NFILZ: variants seen among roughly 807,000 people sequenced by gnomAD.
NFILZ encodes NFIL3 like protein.
Position 8,679,891 on chromosome 19 carries a change from C to T in NFILZ, c.*2256C>T, listed in dbSNP as rs1306236368. On this transcript the variant is annotated 3_prime_UTR_variant, in exon 6 of 6. Coordinates refer to ENST00000691075, the MANE Select transcript of NFILZ (RefSeq NM_001378600.1). ...TAGGGGCTTCTCTGGACTGTTTTAT[C>T]TTCATAAATAATGTGAATCCTGGAG... 6.6e-6 allele frequency among the ~76,000 whole-genome samples: 1 copy of T among 152,112 alleles called. No homozygotes were observed. Among genetic ancestry groups the T allele is most frequent in the South Asian group, 2.1e-4 (1 of 4,822 alleles).
chr19:8,635,225 G>A (rs2042889319), intron 2 of NFILZ, among the ~76,000 whole-genome samples: 2 of 150,288 alleles, frequency 1.3e-5, no homozygotes, highest in South Asian at 2.1e-4. Context: ...CAGGAGAATC[G>A]CTTGAACCTG....
rs2043120449 is a variant in NFILZ, at chr19:8,678,037, CATCCATCCATCCATCCACCCATCTAT to C, written c.*403_*428del. 1.0e-5 allele frequency among the ~76,000 whole-genome samples: 1 copy of C among 99,474 alleles called. No individual in the cohort carries two copies. The highest frequency in any genetic ancestry group is 2.1e-5 in the Non-Finnish European group (1 of 46,680). The allele number at this position is 99,474 out of a possible 152,430, so 65.3% of individuals were successfully genotyped here. On this transcript the variant is annotated 3_prime_UTR_variant, in exon 6 of 6. Coordinates refer to ENST00000691075, the MANE Select transcript of NFILZ (RefSeq NM_001378600.1). ...CTCCATCCTTATCCATCTATCCATC[CATCCATCCATCCATCCACCCATCTAT>C]TCATCCATCCATCAATCCATCCATC...
At chr19:8,661,911 T>G (rs1555749160) in intron 3 of NFILZ, among the ~76,000 whole-genome samples, 1 of 151,262 alleles carries the variant, frequency 6.6e-6, no homozygotes, top group Non-Finnish European at 1.5e-5. Flanking sequence ...AAAGATACAG[T>G]AAAATAGGCC....
At chr19:8,665,183 C>T (rs2043056061) in intron 3 of NFILZ, among the ~76,000 whole-genome samples, 1 of 152,054 alleles carries the variant, frequency 6.6e-6, no homozygotes, top group Non-Finnish European at 1.5e-5. Flanking sequence ...GCGCTTCTGG[C>T]CTATCTGAGA....
intron 3 of NFILZ, among the ~76,000 whole-genome samples, chr19:8,672,805 A>T (rs574716700): frequency 4.2e-4 from 64 of 152,304 alleles, no homozygotes; most frequent in African/African-American, 1.5e-3. Context: ...TTCCTCCTTC[A>T]TTCCTGATCC....
At position 8,680,207 on chromosome 19, in the gene NFILZ, AAAAAAAAG is replaced by A. The variant is rs2043139368; in HGVS notation, c.*2573_*2580del. Among the ~76,000 whole-genome samples the A allele has an allele frequency of 7.3e-6, 1 of 136,744 alleles. No homozygotes were observed. The highest frequency in any genetic ancestry group is 2.9e-5 in the African/African-American group (1 of 34,694). The allele number at this position is 136,744 out of a possible 152,430, so 89.7% of individuals were successfully genotyped here. A position where few individuals can be genotyped will look rare whatever the true frequency, so the allele number is the denominator to read the frequency against. On this transcript the variant is annotated 3_prime_UTR_variant, in exon 6 of 6. Transcript: ENST00000691075. ...CGAGACTCCATCTGAAAAAAAAAAA[AAAAAAAAG>A]GAAAAAGAAAAAATCCTGTTTCCCT... is the stretch of plus-strand genomic sequence containing the variant.
intron 3 of NFILZ, among the ~76,000 whole-genome samples, chr19:8,663,748 G>GTGTGTGTA (rs2043046784): frequency 7.2e-6 from 1 of 139,376 alleles, no homozygotes; most frequent in African/African-American, 2.8e-5. Flanking sequence ...GTGTGTGTGT[G>GTGTGTGTA]TGTGTGTGTG....
chr19:8,670,992 CAAAAA>C (rs35392454), intron 3 of NFILZ, among the ~76,000 whole-genome samples: 15 of 117,638 alleles, frequency 1.3e-4, no homozygotes, highest in Admixed American at 4.3e-4. Context: ...GAGACTGTCT[CAAAAA>C]AAAAAAAAAA....
rs529582116 is a variant in NFILZ at position 8,631,963 on chromosome 19, G to A, written c.-410-513G>A. Reference sequence around the variant, plus strand: ...CAGCTCACTGCAACCTCTGCCTCCCGGGTTCAAGCAATTCTTTCGTCTCAG... The same window carrying A: ...CAGCTCACTGCAACCTCTGCCTCCCAGGTTCAAGCAATTCTTTCGTCTCAG... On this transcript the variant is annotated intron_variant, in intron 1 of 5. Coordinates refer to ENST00000691075, the MANE Select transcript of NFILZ (RefSeq NM_001378600.1). Among the ~76,000 whole-genome samples the A allele has an allele frequency of 2.0e-5, 3 of 151,802 alleles. No homozygotes were observed. In the South Asian group the frequency reaches 6.2e-4, roughly 32 times the overall value.
intron 3 of NFILZ, among the ~76,000 whole-genome samples, chr19:8,637,912 C>CAAAAAAAAAAAAAAAAAAAAAAAAAA (rs35778716): frequency 3.0e-4 from 6 of 20,272 alleles, no homozygotes; most frequent in Non-Finnish European, 4.4e-4. Context: ...AAGATGGTCT[C>CAAAAAAAAAAAAAAAAAAAAAAAAAA]AAAAAAAAAA....
At chr19:8,668,802 G>C (rs2043074172) in intron 3 of NFILZ, among the ~76,000 whole-genome samples, 1 of 152,114 alleles carries the variant, frequency 6.6e-6, no homozygotes, top group Non-Finnish European at 1.5e-5. Context: ...GAATGGGGAG[G>C]TTTTGGTGTG....
At chr19:8,659,491 G>A (rs2043019965) in intron 3 of NFILZ, among the ~76,000 whole-genome samples, 1 of 151,988 alleles carries the variant, frequency 6.6e-6, no homozygotes, top group South Asian at 2.1e-4. Flanking sequence ...GACTCCGAAT[G>A]GTGGGAAGGC....
chr19:8,662,049 A>G (rs1170172616), intron 3 of NFILZ, among the ~76,000 whole-genome samples: 1 of 151,888 alleles, frequency 6.6e-6, no homozygotes, highest in Non-Finnish European at 1.5e-5. Context: ...AATAAAAATA[A>G]AAAAAACTGG....
At chr19:8,665,012 C>A (rs1303051892) in intron 3 of NFILZ, among the ~76,000 whole-genome samples, 1 of 152,096 alleles carries the variant, frequency 6.6e-6, no homozygotes, top group Non-Finnish European at 1.5e-5. Context: ...GTGGTCCTTA[C>A]CTAGCTTTCT....
At position 8,636,415 on chromosome 19, in the gene NFILZ, T is replaced by C. The variant is rs185376825; in HGVS notation, c.-164+669T>C. Among the ~76,000 whole-genome samples, 688 of 140,222 alleles carry C rather than the reference T, an allele frequency of 4.9e-3. 2 individuals carry two copies. The highest frequency in any genetic ancestry group is 0.017 in the African/African-American group (661 of 39,100). 92.0% of individuals were successfully genotyped at this position (140,222 alleles called of 152,430 possible). A position where few individuals can be genotyped will look rare whatever the true frequency, so the allele number is the denominator to read the frequency against. On this transcript the variant is annotated intron_variant, in intron 3 of 5. Transcript: ENST00000691075. The stretch of plus-strand genomic sequence containing the variant: ...GTGAGCCGAGATTGCGCCATTGCAC[T>C]CCAGCCTGGGCAACACAGCGAGACT...
At chr19:8,646,770 T>A (rs532278652) in intron 3 of NFILZ, among the ~76,000 whole-genome samples, 2 of 152,268 alleles carry the variant, frequency 1.3e-5, no homozygotes, top group East Asian at 3.9e-4. Context: ...AGGACCTTTG[T>A]CTGTGCTGTT....
At chr19:8,653,003 CCTTCCTTCCTTT>C (rs1273169903) in intron 3 of NFILZ, among the ~76,000 whole-genome samples, 1 of 41,508 alleles carries the variant, frequency 2.4e-5, no homozygotes, top group African/African-American at 9.8e-5. Context: ...TTCCTTCCTT[CCTTCCTTCCTTT>C]CTTTCTTTCT....
At chr19:8,667,212 T>C (rs954203046) in intron 3 of NFILZ, among the ~76,000 whole-genome samples, 1 of 152,150 alleles carries the variant, frequency 6.6e-6, no homozygotes, top group East Asian at 1.9e-4. Context: ...CAAACAACCC[T>C]TAGAGAGCCA....
At chr19:8,657,405 C>A (rs182196781) in intron 3 of NFILZ, among the ~76,000 whole-genome samples, 2 of 152,132 alleles carry the variant, frequency 1.3e-5, no homozygotes, top group African/African-American at 4.8e-5. Context: ...CCTGGCCTGG[C>A]GATTGCTTTT....
Sources: gnomAD v4.1 joint callset for allele counts (sites outside exome capture counted in the v4.1 genomes callset) on GRCh38, gnomAD v4.1.1 for gene constraint, MANE v1.5 for transcripts, NCBI Gene and HGNC (gene_info 2026-07-23, HGNC 2026-07-21) for gene names.